ADCY8: variants seen among roughly 807,000 people sequenced by gnomAD.
ADCY8 encodes the protein adenylate cyclase 8.
In ADCY8, 51 loss-of-function variants were observed where a neutral mutation model predicts 119.7. That is an observed-to-expected ratio of 0.43 (90% CI 0.34 to 0.54). The LOEUF (loss-of-function observed/expected upper bound fraction) is 0.54. Among genes scored for constraint, ADCY8 ranks in the 20% least tolerant of loss-of-function variants. ADCY8 has a pLI of 0.03. For synonymous variants in ADCY8, 665 were observed against 651.0 expected, an observed-to-expected ratio of 1.02 and a Z score of -0.33; for missense variants, 1,383 against 1,598.8, an observed-to-expected ratio of 0.87 and a Z score of 2.30.
chr8:130,928,270 C>T (rs568627696), intron 5 of ADCY8, among the ~76,000 whole-genome samples: 23 of 152,088 alleles, frequency 1.5e-4, no homozygotes, highest in Non-Finnish European at 1.9e-4. Flanking sequence ...TGAGATCTTT[C>T]TATTATTGCT....
At chr8:131,000,105 T>A (rs1246483609) in intron 1 of ADCY8, among the ~76,000 whole-genome samples, 2 of 152,208 alleles carry the variant, frequency 1.3e-5, no homozygotes, top group Admixed American at 1.3e-4. Context: ...GCCATTATTA[T>A]GTTTATTTCA....
At chr8:130,925,780 G>C (rs73717244) in intron 5 of ADCY8, among the ~76,000 whole-genome samples, 6,201 of 152,224 alleles carry the variant, frequency 0.041, 397 homozygotes, top group African/African-American at 0.14. Flanking sequence ...CATATTGTCT[G>C]TTGGGTGACT....
Position 131,039,841 on chromosome 8 carries a change from C to G in ADCY8, c.493G>C (p.Asp165His). Reference sequence around the variant, plus strand: ...TAGCGCTGGTAGAGGCGTTCCAAATCCCGAGATTTGAAGGAGTTGCGCAGG... The same window carrying G: ...TAGCGCTGGTAGAGGCGTTCCAAATGCCGAGATTTGAAGGAGTTGCGCAGG... ...PTLRNSFKSR[D>H]LERLYQRYFL... Residue 165 changes from aspartate (D) to histidine (H), a missense_variant, in exon 1 of 18, where the codon GAT becomes CAT. Physicochemically the swap from Asp to His is moderately conservative, Grantham distance 81 (BLOSUM62 -1). Transcript: ENST00000286355. 1 of 1,614,166 alleles carries G rather than the reference C, an allele frequency of 6.2e-7. No homozygotes were observed. Among genetic ancestry groups the G allele is most frequent in the Non-Finnish European group, 8.5e-7 (1 of 1,180,024 alleles).
rs1315606421 is a variant in ADCY8, at chr8:130,951,953, T to C, written c.1156A>G (p.Met386Val). 28 of 1,613,974 alleles carry C rather than the reference T, an allele frequency of 1.7e-5. No individual in the cohort carries two copies. Among genetic ancestry groups the C allele is most frequent in the African/African-American group, 2.7e-5 (2 of 74,900 alleles). ...TCCACATTGGTCATGTCGTTGATCA[T>C]TTCCAGGACAACAAACCGGGGGAGC... ...SVLPRFVVLE[M>V]INDMTNVEDE... Residue 386 changes from methionine to valine, a missense_variant, in exon 3 of 18, where the codon ATG (methionine) becomes GTG (valine). By Grantham distance (21) the Met-to-Val change is conservative (BLOSUM62 1). Around this residue, in one of 2 missense-constraint regions of ADCY8, gnomAD observed 928 missense variants for 1,163.5 expected, o/e 0.80. Transcript: ENST00000286355.
Position 131,040,045 on chromosome 8 carries a change from C to T in ADCY8, c.289G>A (p.Gly97Arg). The T allele has an allele frequency of 1.9e-6, 3 of 1,547,584 alleles. No homozygotes were observed. The highest frequency in any genetic ancestry group is 2.6e-6 in the Non-Finnish European group (3 of 1,151,168). The change falls in exon 1 of 18, where the codon GGA becomes AGA. Residue 97 changes from glycine (G) to arginine (R), a missense_variant. Transcript: ENST00000286355. ...SALPLYSLGP[G>R]ERAHSTCGTK... The stretch of plus-strand genomic sequence containing the variant: ...CCGCAGGTGCTGTGCGCTCGCTCTC[C>T]CGGGCCCAGCGAGTAGAGGGGCAGC...
intron 5 of ADCY8, among the ~76,000 whole-genome samples, chr8:130,911,590 G>A (rs1819981753): frequency 1.0e-5 from 1 of 97,492 alleles, no homozygotes; most frequent in East Asian, 3.6e-4. Context: ...AAATTAAATT[G>A]TAATTAATTT....
At position 130,810,347 on chromosome 8, in the gene ADCY8, T is replaced by TACACACACACAC. The variant is rs58781726; in HGVS notation, c.2913+3710_2913+3721dup. The stretch of plus-strand genomic sequence containing the variant: ...ATGACTCTGTCTTTCTCTCTTTTTC[T>TACACACACACAC]ACACACACACACACACACACACACA... On this transcript the variant is annotated intron_variant, in intron 14 of 17. Coordinates refer to ENST00000286355, the MANE Select transcript of ADCY8 (RefSeq NM_001115.3). Among the ~76,000 whole-genome samples the TACACACACACAC allele has an allele frequency of 6.0e-3, 852 of 142,742 alleles. 8 individuals carry two copies. Among genetic ancestry groups the TACACACACACAC allele is most frequent in the South Asian group, 0.017 (72 of 4,132 alleles). 93.6% of individuals were successfully genotyped at this position (142,742 alleles called of 152,430 possible). A position where few individuals can be genotyped will look rare whatever the true frequency, so the allele number is the denominator to read the frequency against.
At chr8:130,823,139 C>T (rs1816571557) in intron 12 of ADCY8, among the ~76,000 whole-genome samples, 1 of 152,190 alleles carries the variant, frequency 6.6e-6, no homozygotes, top group Non-Finnish European at 1.5e-5. Context: ...TCATTTGAAA[C>T]ACATTTTCAA....
Position 130,860,850 on chromosome 8 carries a change from C to T in ADCY8, c.2210+6996G>A, listed in dbSNP as rs1007741675. Among the ~76,000 whole-genome samples, 22 of 152,072 alleles carry T rather than the reference C, an allele frequency of 1.4e-4. 1 individual carries two copies. The highest frequency in any genetic ancestry group is 2.6e-4 in the Non-Finnish European group (18 of 68,012). On this transcript the variant is annotated intron_variant, in intron 9 of 17. Coordinates refer to ENST00000286355, the MANE Select transcript of ADCY8 (RefSeq NM_001115.3). ...GTGTCCCTCCCTGTGCCCATGTGTT[C>T]TCATTGTTCAACTCCCACTTATGAG...
At chr8:130,801,899 C>CTTTTTTTTTTTTT (rs34853195) in intron 14 of ADCY8, among the ~76,000 whole-genome samples, 2 of 97,794 alleles carry the variant, frequency 2.0e-5, no homozygotes, top group Non-Finnish European at 3.9e-5. Context: ...TTGAGAATGC[C>CTTTTTTTTTTTTT]TTTTTTTTTT....
intron 2 of ADCY8, among the ~76,000 whole-genome samples, chr8:130,958,900 C>T (rs1821516230): frequency 6.6e-6 from 1 of 152,054 alleles, no homozygotes; most frequent in South Asian, 2.1e-4. Context: ...ATCTATTTCA[C>T]TTAAATATAA....
intron 15 of ADCY8, among the ~76,000 whole-genome samples, chr8:130,792,501 A>G (rs960709744): frequency 6.6e-6 from 1 of 152,198 alleles, no homozygotes; most frequent in Non-Finnish European, 1.5e-5. Context: ...CAGATCTGCC[A>G]TTCTCAAAGC....
chr8:131,007,411 T>A (rs1823155264), intron 1 of ADCY8, among the ~76,000 whole-genome samples: 1 of 152,168 alleles, frequency 6.6e-6, no homozygotes. Context: ...TTTTTGGTTG[T>A]CACATCTAGA....
rs147543503 is a variant in ADCY8 at position 130,998,406 on chromosome 8, C to T, written c.961-7864G>A. On this transcript the variant is annotated intron_variant, in intron 1 of 17. Coordinates refer to ENST00000286355, the MANE Select transcript of ADCY8 (RefSeq NM_001115.3). ...GGTTCTGAGGCAGGAGAAGCAAGAA[C>T]CCACTTCAGCCCAGCATGCGGCCCA... Among the ~76,000 whole-genome samples, 58 of 152,252 alleles carry T rather than the reference C, an allele frequency of 3.8e-4. 1 individual carries two copies. In the East Asian group the frequency reaches 0.011, roughly 29 times the overall value.
chr8:130,898,860 T>G (rs986587519), intron 7 of ADCY8, among the ~76,000 whole-genome samples: 1 of 152,216 alleles, frequency 6.6e-6, no homozygotes, highest in African/African-American at 2.4e-5. Flanking sequence ...CTAAGTCTAC[T>G]CTTGTCCCGA....
At chr8:131,019,105 G>A (rs11784371) in intron 1 of ADCY8, among the ~76,000 whole-genome samples, 7,475 of 152,246 alleles carry the variant, frequency 0.049, 258 homozygotes, top group African/African-American at 0.091. Flanking sequence ...ATGATGGTAT[G>A]AAATTGACGG....
chr8:131,006,800 A>G (rs1823133674), intron 1 of ADCY8, among the ~76,000 whole-genome samples: 1 of 152,172 alleles, frequency 6.6e-6, no homozygotes, highest in Admixed American at 6.5e-5. Flanking sequence ...GGGTTTCCAA[A>G]AGACCTGTAA....
intron 9 of ADCY8, among the ~76,000 whole-genome samples, chr8:130,857,646 G>A (rs530468220): frequency 5.3e-5 from 8 of 152,228 alleles, no homozygotes; most frequent in East Asian, 3.9e-4. Context: ...GGTGGTGTGC[G>A]CCCCCACCAG....
intron 5 of ADCY8, among the ~76,000 whole-genome samples, chr8:130,928,492 A>AT (rs529750254): frequency 7.5e-4 from 114 of 152,062 alleles, no homozygotes; most frequent in African/African-American, 2.4e-3. Flanking sequence ...AGGATGTTGG[A>AT]TTTTTTCAAA....
Sources: allele counts gnomAD v4.1 joint callset (sites outside exome capture counted in the v4.1 genomes callset), GRCh38; gene constraint gnomAD v4.1.1; regional missense constraint gnomAD v4.1.1; transcripts MANE v1.5; gene names NCBI Gene and HGNC (gene_info 2026-07-23, HGNC 2026-07-21).